The following PIK3AP1 variants were observed in gnomAD, a reference collection of about 807,000 sequenced individuals.
The protein encoded by PIK3AP1 is phosphoinositide-3-kinase adaptor protein 1.
A neutral mutation model predicts 88.1 loss-of-function variants in PIK3AP1; 21 were observed. The observed-to-expected ratio is 0.24, with a 90% CI of 0.17 to 0.34. PIK3AP1 has a LOEUF of 0.34. Ranked by LOEUF, PIK3AP1 falls within the 10% of genes least tolerant of loss-of-function variation. The probability of loss-of-function intolerance (pLI) is 1.00; values close to 1 mark genes in which losing one functional copy is unlikely to be tolerated. For missense variants in PIK3AP1, 828 were observed against 1,035.7 expected (o/e 0.80, Z 2.75); for synonymous variants, 398 against 400.0 (o/e 1.00, Z 0.06).
At chr10:96,613,830 C>T (rs979139405) in intron 13 of PIK3AP1, among the ~76,000 whole-genome samples, 1 of 152,154 alleles carries the variant, frequency 6.6e-6, no homozygotes, top group African/African-American at 2.4e-5. Flanking sequence ...TAGGAATACT[C>T]CCAGGTGCCA....
intron 11 of PIK3AP1, among the ~76,000 whole-genome samples, chr10:96,622,656 C>T (rs1389116040): frequency 6.6e-6 from 1 of 152,198 alleles, no homozygotes; most frequent in Non-Finnish European, 1.5e-5. Flanking sequence ...ATGCACAAGC[C>T]AACCAGTTCC....
At chr10:96,670,562 G>A (rs1024321487) in intron 2 of PIK3AP1, among the ~76,000 whole-genome samples, 9 of 152,234 alleles carry the variant, frequency 5.9e-5, no homozygotes, top group Non-Finnish European at 1.3e-4. Context: ...CGCAAATGAT[G>A]TGTCTGGGCC....
intron 1 of PIK3AP1, among the ~76,000 whole-genome samples, chr10:96,712,455 A>G (rs532139918): frequency 6.4e-4 from 97 of 152,352 alleles, no homozygotes; most frequent in African/African-American, 2.1e-3. Context: ...GCAGCCTGCC[A>G]TAAAAATAAA....
At chr10:96,702,720 TA>T (rs931265083) in intron 2 of PIK3AP1, among the ~76,000 whole-genome samples, 13 of 152,160 alleles carry the variant, frequency 8.5e-5, no homozygotes, top group African/African-American at 1.7e-4. Flanking sequence ...AGTATATGTA[TA>T]AAAAAATCAC....
chr10:96,662,956 GATAA>G (rs149031606), intron 2 of PIK3AP1, among the ~76,000 whole-genome samples: 3 of 132,398 alleles, frequency 2.3e-5, no homozygotes, highest in African/African-American at 5.6e-5. Flanking sequence ...AAATTAAATA[GATAA>G]ATAAAAATGA....
Position 96,669,903 on chromosome 10 carries a change from G to A in PIK3AP1, c.431-12969C>T, listed in dbSNP as rs189496708. Among the ~76,000 whole-genome samples, 14 of 152,216 alleles carry A rather than the reference G, an allele frequency of 9.2e-5. No individual in the cohort carries two copies. The East Asian group carries it at 2.7e-3, about 29-fold the overall frequency. On this transcript the variant is annotated intron_variant, in intron 2 of 16. Coordinates refer to ENST00000339364, the MANE Select transcript of PIK3AP1 (RefSeq NM_152309.3). ...AGTGTTTAGAAAAGTGGGACCAGGT[G>A]CGGTAGCTCATGCCTGTAATCCCAG...
intron 2 of PIK3AP1, among the ~76,000 whole-genome samples, chr10:96,687,245 T>C (rs1307394524): frequency 3.2e-5 from 3 of 94,164 alleles, no homozygotes; most frequent in African/African-American, 4.4e-5. Flanking sequence ...AAAAGAGCGA[T>C]ACTCCATCTC....
At chr10:96,713,347 A>G (rs1844462109) in intron 1 of PIK3AP1, among the ~76,000 whole-genome samples, 1 of 151,376 alleles carries the variant, frequency 6.6e-6, no homozygotes, top group Admixed American at 6.6e-5. Flanking sequence ...AATACAAAAA[A>G]AAAAAAATTA....
chr10:96,613,827 A>G (rs1849167141), intron 13 of PIK3AP1, among the ~76,000 whole-genome samples: 1 of 151,926 alleles, frequency 6.6e-6, no homozygotes, highest in African/African-American at 2.4e-5. Context: ...TTTTAGGAAT[A>G]CTCCCAGGTG....
intron 2 of PIK3AP1, among the ~76,000 whole-genome samples, chr10:96,663,529 C>T (rs1843721313): frequency 6.9e-6 from 1 of 145,688 alleles, no homozygotes; most frequent in Non-Finnish European, 1.5e-5. Flanking sequence ...TCTCAGGAGG[C>T]TGAGGCAGGA....
At chr10:96,643,484 GC>G (rs1286732523) in intron 8 of PIK3AP1, among the ~76,000 whole-genome samples, 2 of 152,298 alleles carry the variant, frequency 1.3e-5, no homozygotes, top group Admixed American at 1.3e-4. Flanking sequence ...TAGCGATGGT[GC>G]TTTCTCTCCC....
chr10:96,664,297 G>T lies in PIK3AP1; in HGVS notation c.431-7363C>A, dbSNP rs141358821. Among the ~76,000 whole-genome samples the T allele has an allele frequency of 2.2e-3, 338 of 152,348 alleles. 1 individual carries two copies. Among genetic ancestry groups the T allele is most frequent in the African/African-American group, 7.7e-3 (320 of 41,574 alleles). ...GATATAAAATTATATCTCAGATGCT[G>T]CAGGATTTCAATTATATAAAAAATG... is the stretch of plus-strand genomic sequence containing the variant. On this transcript the variant is annotated intron_variant, in intron 2 of 16. Transcript: ENST00000339364.
At chr10:96,700,297 T>C (rs541502421) in intron 2 of PIK3AP1, among the ~76,000 whole-genome samples, 1 of 151,610 alleles carries the variant, frequency 6.6e-6, no homozygotes, top group South Asian at 2.1e-4. Context: ...GCAGGAAAAC[T>C]GTAATCCTGG....
intron 13 of PIK3AP1, among the ~76,000 whole-genome samples, chr10:96,612,777 ACT>A (rs951375856): frequency 1.3e-5 from 2 of 151,380 alleles, no homozygotes; most frequent in African/African-American, 4.9e-5. Flanking sequence ...GGTGTTCTCC[ACT>A]GATTCCTCCC....
chr10:96,663,638 A>G (rs1843724078), intron 2 of PIK3AP1, among the ~76,000 whole-genome samples: 1 of 150,020 alleles, frequency 6.7e-6, no homozygotes, highest in Non-Finnish European at 1.5e-5. Context: ...AAAAAAAAAA[A>G]AAAAAAAAAA....
At chr10:96,603,291 C>T (rs1388308604) in intron 15 of PIK3AP1, among the ~76,000 whole-genome samples, 1 of 152,150 alleles carries the variant, frequency 6.6e-6, no homozygotes, top group Admixed American at 6.5e-5. Context: ...CAAAAAGAAA[C>T]CCTGTGTGAT....
At chr10:96,710,583 C>T (rs1844425992) in intron 1 of PIK3AP1, among the ~76,000 whole-genome samples, 1 of 152,116 alleles carries the variant, frequency 6.6e-6, no homozygotes, top group African/African-American at 2.4e-5. Context: ...CTTCCCCCCA[C>T]ACCTGAAGCA....
At chr10:96,682,973 T>C (rs1424418717) in intron 2 of PIK3AP1, among the ~76,000 whole-genome samples, 5 of 152,208 alleles carry the variant, frequency 3.3e-5, no homozygotes, top group African/African-American at 9.7e-5. Context: ...TCTAGACACT[T>C]AGTAACATAC....
chr10:96,623,449 A>C (rs1699672450), intron 11 of PIK3AP1, 23 bp downstream of exon 11: 2 of 1,583,238 alleles, frequency 1.3e-6, no homozygotes, highest in African/African-American at 1.3e-5. Context: ...ACAAAAGTTC[A>C]GTTCATATAA....
Sources: gnomAD v4.1 joint callset for allele counts (sites outside exome capture counted in the v4.1 genomes callset) on GRCh38, gnomAD v4.1.1 for gene constraint, MANE v1.5 for transcripts, NCBI Gene and HGNC (gene_info 2026-07-23, HGNC 2026-07-21) for gene names.